Variants in CTNNA2 observed in about 807,000 individuals in gnomAD.
The protein encoded by CTNNA2 is catenin alpha 2, also known as catenin alpha-2.
CTNNA2 carries 42 observed loss-of-function variants against 101.0 expected under a neutral mutation model. The observed-to-expected ratio is 0.42, with a 90% CI of 0.32 to 0.54. CTNNA2 has a LOEUF of 0.54. CTNNA2 is among the 20% of genes least tolerant of loss of function. The pLI is 0.14. For synonymous variants in CTNNA2, 450 were observed against 456.4 expected, an observed-to-expected ratio of 0.99 and a Z score of 0.18; for missense variants, 871 against 1,223.1, an observed-to-expected ratio of 0.71 and a Z score of 4.29.
intron 7 of CTNNA2, among the ~76,000 whole-genome samples, chr2:80,185,458 A>C (rs1462854654): frequency 6.6e-6 from 1 of 152,208 alleles, no homozygotes; most frequent in Non-Finnish European, 1.5e-5. Context: ...AATTGCAAAA[A>C]AGCATGAATA....
At chr2:79,870,072 CT>C in intron 5 of CTNNA2, 137 bp downstream of exon 5, 2 of 1,151,028 alleles carry the variant, frequency 1.7e-6, no homozygotes, top group Non-Finnish European at 2.4e-6. Flanking sequence ...ACAAAGGTTG[CT>C]TCCTGCAGGG....
chr2:79,802,486 C>T (rs1425151150), intron 3 of CTNNA2, among the ~76,000 whole-genome samples: 1 of 152,148 alleles, frequency 6.6e-6, no homozygotes, highest in Non-Finnish European at 1.5e-5. Flanking sequence ...CCCTGATGAT[C>T]CATATTCTTA....
intron 7 of CTNNA2, among the ~76,000 whole-genome samples, chr2:80,236,804 C>G (rs1709574197): frequency 1.3e-5 from 2 of 152,258 alleles, no homozygotes; most frequent in South Asian, 4.1e-4. Context: ...AACATTGTGG[C>G]TAATCAGACA....
chr2:79,977,298 T>C (rs1195733432), intron 7 of CTNNA2, among the ~76,000 whole-genome samples: 1 of 151,596 alleles, frequency 6.6e-6, no homozygotes, highest in East Asian at 1.9e-4. Context: ...GTAATTATCA[T>C]GTAGACCCAG....
intron 7 of CTNNA2, among the ~76,000 whole-genome samples, chr2:80,186,547 T>C (rs1706141245): frequency 6.6e-6 from 1 of 152,240 alleles, no homozygotes; most frequent in South Asian, 2.1e-4. Context: ...TATTAGCTCA[T>C]AGTTAAATGT....
intron 3 of CTNNA2, among the ~76,000 whole-genome samples, chr2:79,814,467 A>G (rs182875577): frequency 5.6e-4 from 85 of 152,158 alleles, no homozygotes; most frequent in African/African-American, 1.7e-3. Flanking sequence ...CCACACATCA[A>G]TGAGAACATA....
At chr2:79,389,880 A>G (rs1678153285) in intron 4 of CTNNA2, among the ~76,000 whole-genome samples, 1 of 152,192 alleles carries the variant, frequency 6.6e-6, no homozygotes, top group East Asian at 1.9e-4. Flanking sequence ...CTACACAATT[A>G]TATCATCAAC....
At chr2:80,392,216 A>G (rs1297663850) in intron 7 of CTNNA2, among the ~76,000 whole-genome samples, 1 of 152,202 alleles carries the variant, frequency 6.6e-6, no homozygotes, top group African/African-American at 2.4e-5. Context: ...TCATTTTATC[A>G]TATAAGCAAA....
At chr2:79,795,521 C>G (rs1233381688) in intron 3 of CTNNA2, among the ~76,000 whole-genome samples, 16 of 151,584 alleles carry the variant, frequency 1.1e-4, no homozygotes, top group Non-Finnish European at 7.4e-5. Flanking sequence ...ATTTTTAAAT[C>G]AATTGTATTA....
At chr2:79,828,881 T>C (rs1022389003) in intron 3 of CTNNA2, among the ~76,000 whole-genome samples, 1 of 152,164 alleles carries the variant, frequency 6.6e-6, no homozygotes, top group African/African-American at 2.4e-5. Flanking sequence ...ACTCTTAAGA[T>C]TGAGAACCAC....
intron 1 of CTNNA2, among the ~76,000 whole-genome samples, chr2:79,588,889 C>G (rs966911664): frequency 6.6e-6 from 1 of 152,054 alleles, no homozygotes; most frequent in Non-Finnish European, 1.5e-5. Context: ...GAGGTAAGAC[C>G]TTTTAGCCTT....
chr2:80,485,111 G>T (rs1040247088), intron 9 of CTNNA2, among the ~76,000 whole-genome samples: 3 of 152,146 alleles, frequency 2.0e-5, no homozygotes, highest in Admixed American at 2.0e-4. Context: ...CGTGTGTGTT[G>T]TTTGTGGGTG....
chr2:79,450,003 A>G (rs1678873592), intron 4 of CTNNA2, among the ~76,000 whole-genome samples: 1 of 151,994 alleles, frequency 6.6e-6, no homozygotes, highest in Non-Finnish European at 1.5e-5. Flanking sequence ...CATTAGAAGA[A>G]AAATTGGTGG....
At chr2:79,968,912 T>A (rs1690281654) in intron 7 of CTNNA2, among the ~76,000 whole-genome samples, 1 of 152,150 alleles carries the variant, frequency 6.6e-6, no homozygotes, top group African/African-American at 2.4e-5. Flanking sequence ...CCCCTTTTTG[T>A]ATTGAGACCA....
intron 3 of CTNNA2, among the ~76,000 whole-genome samples, chr2:79,370,762 G>A (rs577163200): frequency 6.6e-6 from 1 of 152,164 alleles, no homozygotes; most frequent in South Asian, 2.1e-4. Context: ...ATACCTCCAG[G>A]TTATAGTCTC....
chr2:79,210,589 T>C (rs1674159169), intron 2 of CTNNA2, among the ~76,000 whole-genome samples: 1 of 152,104 alleles, frequency 6.6e-6, no homozygotes, highest in Non-Finnish European at 1.5e-5. Context: ...TCTTTTGGGT[T>C]GGTGTTGCAT....
At chr2:79,848,268 C>A (rs943023017) in intron 3 of CTNNA2, among the ~76,000 whole-genome samples, 3 of 152,134 alleles carry the variant, frequency 2.0e-5, no homozygotes, top group African/African-American at 7.2e-5. Flanking sequence ...ATCAGTGTAT[C>A]TTCCCTTTAT....
intron 4 of CTNNA2, among the ~76,000 whole-genome samples, chr2:79,428,566 G>C (rs918702370): frequency 6.6e-6 from 1 of 151,942 alleles, no homozygotes; most frequent in African/African-American, 2.4e-5. Context: ...ATACATTTGA[G>C]AAAGTACAAT....
At chr2:79,807,399 G>A (rs1050738564) in intron 3 of CTNNA2, among the ~76,000 whole-genome samples, 2 of 151,828 alleles carry the variant, frequency 1.3e-5, no homozygotes, top group East Asian at 1.9e-4. Context: ...TGCTAAATTA[G>A]CCTTTTTCCA....
Sources: gnomAD v4.1 joint callset for allele counts (sites outside exome capture counted in the v4.1 genomes callset) on GRCh38, gnomAD v4.1.1 for gene constraint, MANE v1.5 for transcripts, NCBI Gene and HGNC (gene_info 2026-07-23, HGNC 2026-07-21) for gene names.